Variants in PPARG observed in about 807,000 individuals in gnomAD.
The protein encoded by PPARG is peroxisome proliferator-activated receptor gamma.
Under a neutral mutation model 39.2 loss-of-function variants are expected in PPARG, and 17 were observed. That is an observed-to-expected ratio of 0.43 (90% CI 0.30 to 0.65). The LOEUF (loss-of-function observed/expected upper bound fraction) is 0.65, where lower values mean the gene tolerates loss of function less well. Ranked by LOEUF, PPARG falls within the 30% of genes least tolerant of loss-of-function variation. PPARG has a pLI of 0.13. For missense variants in PPARG, 406 were observed against 585.9 expected, an observed-to-expected ratio of 0.69 and a Z score of 3.17; for synonymous variants, 223 against 215.7, an observed-to-expected ratio of 1.03 and a Z score of -0.30.
At chr3:12,417,870 C>CTTTTTTTTTTTTT (rs2051115609) in intron 7 of PPARG, among the ~76,000 whole-genome samples, 1 of 82,772 alleles carries the variant, frequency 1.2e-5, no homozygotes, top group Admixed American at 1.1e-4. Flanking sequence ...CTGAGTGTGA[C>CTTTTTTTTTTTTT]TTTTTTCTTT....
chr3:12,382,398 A>C (rs1279876267), intron 4 of PPARG, among the ~76,000 whole-genome samples: 1 of 152,232 alleles, frequency 6.6e-6, no homozygotes, highest in Non-Finnish European at 1.5e-5. Flanking sequence ...TACACAATGC[A>C]AAAATAGTAC....
intron 2 of PPARG, among the ~76,000 whole-genome samples, chr3:12,324,222 TGAACC>T (rs1195930147): frequency 6.6e-6 from 1 of 151,760 alleles, no homozygotes; most frequent in African/African-American, 2.4e-5. Flanking sequence ...GAGGTTGTAG[TGAACC>T]GAGATCGTGC....
intron 2 of PPARG, among the ~76,000 whole-genome samples, chr3:12,332,585 C>T (rs770320708): frequency 2.0e-5 from 3 of 151,946 alleles, no homozygotes; most frequent in Non-Finnish European, 4.4e-5. Flanking sequence ...TATGTAATGC[C>T]ACCCAGAGGC....
Position 12,434,208 on chromosome 3 carries a change from T to C in PPARG, c.*63T>C. 6.2e-7 allele frequency: 1 copy of C among 1,604,440 alleles called. No homozygotes were observed. The highest frequency in any genetic ancestry group is 2.2e-5 in the East Asian group (1 of 44,770). On this transcript the variant is annotated 3_prime_UTR_variant, in exon 8 of 8. Coordinates refer to ENST00000651735, the MANE Select transcript of PPARG (RefSeq NM_138711.6). This position sits in a 1 kb window ranked among gnomAD's most constrained non-coding sequence, Gnocchi z 4.2. ...CCAGTTGCACTATTCTGAGGGAAAA[T>C]CTGACACCTAAGAAATTTACTGTGA...
intron 2 of PPARG, chr3:12,327,901 T>C: frequency 1.8e-6 from 1 of 560,820 alleles, no homozygotes; most frequent in Non-Finnish European, 3.1e-6. Context: ...TTCTTTAGTA[T>C]CTACATAGCA....
intron 1 of PPARG, among the ~76,000 whole-genome samples, chr3:12,297,165 T>A (rs183003518): frequency 2.0e-4 from 31 of 152,330 alleles, no homozygotes; most frequent in African/African-American, 7.0e-4. Context: ...AGTAGGGAGA[T>A]GTTTAAATAA....
At position 12,425,361 on chromosome 3, in the gene PPARG, C is replaced by T. The variant is rs1006163788; in HGVS notation, c.1180+8207C>T. Among the ~76,000 whole-genome samples, 9 of 152,142 alleles carry T rather than the reference C, an allele frequency of 5.9e-5. No homozygotes were observed. The South Asian group carries it at 1.0e-3, about 18-fold the overall frequency. On this transcript the variant is annotated intron_variant, in intron 7 of 7. Coordinates refer to ENST00000651735, the MANE Select transcript of PPARG (RefSeq NM_138711.6). ...TGAGAGACATTGGGAAGGAGGACAGCGGGGGAGTGGAGTGGAGAGAAGTCA... is the reference window on the plus strand; with the variant it reads ...TGAGAGACATTGGGAAGGAGGACAGTGGGGGAGTGGAGTGGAGAGAAGTCA...
intron 7 of PPARG, among the ~76,000 whole-genome samples, chr3:12,417,888 C>CTTTTTTTTTTTCTTTTTTTTTTT (rs2051123286): frequency 1.6e-5 from 1 of 64,066 alleles, no homozygotes; most frequent in Non-Finnish European, 2.9e-5. Context: ...TTTTTTTTTT[C>CTTTTTTTTTTTCTTTTTTTTTTT]TTTTTTTTTT....
rs1161069131 is a variant in PPARG, at chr3:12,289,078, C to G, written c.-139C>G. ...TGGTAGGTAAGGAAGGGGCCTTAAC[C>G]TCTGCTGGTGACCAGAAGCCTGCAT... On this transcript the variant is annotated 5_prime_UTR_variant, in exon 1 of 8. Coordinates refer to ENST00000651735, the MANE Select transcript of PPARG (RefSeq NM_138711.6). The G allele has an allele frequency of 6.6e-6, 1 of 152,206 alleles. No homozygotes were observed. Among genetic ancestry groups the G allele is most frequent in the Non-Finnish European group, 1.5e-5 (1 of 68,052 alleles). The allele number at this position is 152,206 out of a possible 1,614,324, so 9.4% of individuals were successfully genotyped here.
intron 2 of PPARG, among the ~76,000 whole-genome samples, chr3:12,378,434 T>C (rs1487879349): frequency 6.6e-6 from 1 of 152,100 alleles, no homozygotes; most frequent in African/African-American, 2.4e-5. Flanking sequence ...CACACATACA[T>C]ATATACACAT....
At chr3:12,374,761 G>A (rs1053995148) in intron 2 of PPARG, among the ~76,000 whole-genome samples, 3 of 152,068 alleles carry the variant, frequency 2.0e-5, no homozygotes, top group Non-Finnish European at 2.9e-5. Context: ...GGAAAACCAT[G>A]CTTTGTAGAG....
chr3:12,340,911 G>A (rs1031883471), intron 2 of PPARG, among the ~76,000 whole-genome samples: 5 of 152,342 alleles, frequency 3.3e-5, no homozygotes, highest in Admixed American at 6.5e-5. Context: ...ATGGCTGGGC[G>A]TGGTGGCTCA....
chr3:12,316,253 T>C (rs2047384154), intron 2 of PPARG, among the ~76,000 whole-genome samples: 1 of 152,170 alleles, frequency 6.6e-6, no homozygotes, highest in Non-Finnish European at 1.5e-5. Context: ...AAAAATGAAA[T>C]GTGAAGTATT....
At chr3:12,319,903 G>A (rs2047489255) in intron 2 of PPARG, among the ~76,000 whole-genome samples, 1 of 151,976 alleles carries the variant, frequency 6.6e-6, no homozygotes, top group African/African-American at 2.4e-5. Context: ...ATAATTTACG[G>A]CGTATATTTA....
At chr3:12,338,771 A>G (rs143535914) in intron 2 of PPARG, among the ~76,000 whole-genome samples, 73 of 152,264 alleles carry the variant, frequency 4.8e-4, no homozygotes, top group Non-Finnish European at 9.7e-4. Context: ...TTTGAACTTC[A>G]GTTAACTCAG....
At chr3:12,318,779 C>A (rs1278007514) in intron 2 of PPARG, among the ~76,000 whole-genome samples, 1 of 151,954 alleles carries the variant, frequency 6.6e-6, no homozygotes, top group Non-Finnish European at 1.5e-5. Context: ...TACAGTGTTA[C>A]ATAGTAAGTG....
intron 7 of PPARG, among the ~76,000 whole-genome samples, chr3:12,426,111 T>C (rs893532289): frequency 2.6e-5 from 4 of 152,164 alleles, no homozygotes; most frequent in Admixed American, 2.0e-4. Flanking sequence ...AATGGGCAGA[T>C]CAAAGAAAAC....
At chr3:12,350,294 CAA>C (rs1295248650) in intron 2 of PPARG, among the ~76,000 whole-genome samples, 1 of 152,132 alleles carries the variant, frequency 6.6e-6, no homozygotes, top group Non-Finnish European at 1.5e-5. Flanking sequence ...CACAGTTGCT[CAA>C]CTCCCCCACT....
intron 2 of PPARG, among the ~76,000 whole-genome samples, chr3:12,348,920 T>C (rs974854456): frequency 1.3e-5 from 2 of 152,194 alleles, no homozygotes; most frequent in Non-Finnish European, 2.9e-5. Context: ...CAATCAGTAT[T>C]ATAAAGGGCA....
Sources: gnomAD v4.1 joint callset for allele counts (sites outside exome capture counted in the v4.1 genomes callset) on GRCh38, gnomAD v4.1.1 for gene constraint, Gnocchi (gnomAD v3.1) non-coding constraint, MANE v1.5 for transcripts, NCBI Gene and HGNC (gene_info 2026-07-23, HGNC 2026-07-21) for gene names.